The following CACNA2D3 variants were observed in gnomAD, a reference collection of about 807,000 sequenced individuals.
The protein encoded by CACNA2D3 is calcium voltage-gated channel auxiliary subunit alpha2delta 3, also known as voltage-dependent calcium channel subunit alpha-2/delta-3.
Under a neutral mutation model 160.6 loss-of-function variants are expected in CACNA2D3, and 60 were observed. The observed-to-expected ratio is 0.37, with a 90% CI of 0.30 to 0.46. The LOEUF (loss-of-function observed/expected upper bound fraction) is 0.46, where lower values mean the gene tolerates loss of function less well. Ranked by LOEUF, CACNA2D3 falls within the 20% of genes least tolerant of loss-of-function variation. The pLI, the probability that CACNA2D3 is intolerant of heterozygous loss-of-function variation, is 1.00. For synonymous variants in CACNA2D3, 558 were observed against 492.9 expected, an observed-to-expected ratio of 1.13 and a Z score of -1.75; for missense variants, 1,205 against 1,365.0, an observed-to-expected ratio of 0.88 and a Z score of 1.85.
chr3:54,164,653 C>T (rs547340834), intron 2 of CACNA2D3, among the ~76,000 whole-genome samples: 3 of 152,256 alleles, frequency 2.0e-5, no homozygotes, highest in Non-Finnish European at 2.9e-5. Flanking sequence ...TGCTGCATCC[C>T]TTAGAGACCT....
intron 9 of CACNA2D3, among the ~76,000 whole-genome samples, chr3:54,627,208 CAG>C (rs1699140286): frequency 6.6e-6 from 1 of 152,158 alleles, no homozygotes. Flanking sequence ...TAGGTGGGGA[CAG>C]AGTTTAATTA....
chr3:54,510,883 A>C (rs1452857950), intron 5 of CACNA2D3, among the ~76,000 whole-genome samples: 1 of 152,164 alleles, frequency 6.6e-6, no homozygotes, highest in Non-Finnish European at 1.5e-5. Context: ...AGCAAACCAG[A>C]TGGGTTACCG....
At chr3:55,051,814 G>A (rs546148251) in intron 35 of CACNA2D3, among the ~76,000 whole-genome samples, 25 of 152,318 alleles carry the variant, frequency 1.6e-4, no homozygotes, top group African/African-American at 4.6e-4. Flanking sequence ...GTGGTGCGCC[G>A]TTTTTTAAGC....
Position 55,044,717 on chromosome 3 carries a change from AT to A in CACNA2D3, c.2987+26404del, listed in dbSNP as rs2107195969. Among the ~76,000 whole-genome samples, 3 of 152,218 alleles carry A rather than the reference AT, an allele frequency of 2.0e-5. No individual in the cohort carries two copies. The East Asian group carries it at 5.8e-4, about 29-fold the overall frequency. ...AGTTTTAGGGGGGAAAGCTGTTAGAATTTTATCATTAAGTCTAATGTTTACT... is the reference window on the plus strand; with the variant it reads ...AGTTTTAGGGGGGAAAGCTGTTAGAATTTATCATTAAGTCTAATGTTTACT... On this transcript the variant is annotated intron_variant, in intron 35 of 37. Transcript: ENST00000474759.
intron 5 of CACNA2D3, among the ~76,000 whole-genome samples, chr3:54,512,601 G>A (rs1701477235): frequency 6.6e-6 from 1 of 152,174 alleles, no homozygotes. Context: ...CAATGTGGAG[G>A]TAGAGTTGCT....
chr3:54,846,497 T>A, intron 17 of CACNA2D3, 30 bp downstream of exon 17: 2 of 1,415,060 alleles, frequency 1.4e-6, no homozygotes, highest in Non-Finnish European at 2.0e-6. Context: ...TCTGCATTTC[T>A]GCTTTTATGA....
intron 12 of CACNA2D3, among the ~76,000 whole-genome samples, chr3:54,753,930 AT>A (rs1302855441): frequency 6.6e-6 from 1 of 152,234 alleles, no homozygotes; most frequent in African/African-American, 2.4e-5. Flanking sequence ...ACACATTGTT[AT>A]TAACTATAGT....
At chr3:54,449,674 C>T (rs552831866) in intron 4 of CACNA2D3, among the ~76,000 whole-genome samples, 29 of 152,232 alleles carry the variant, frequency 1.9e-4, no homozygotes, top group African/African-American at 6.7e-4. Context: ...TGGTTGTTTA[C>T]AAGTGTGTGG....
intron 11 of CACNA2D3, among the ~76,000 whole-genome samples, chr3:54,673,349 C>T (rs375316784): frequency 1.3e-5 from 2 of 152,220 alleles, no homozygotes; most frequent in Non-Finnish European, 2.9e-5. Flanking sequence ...TTCTTCATTA[C>T]TGGACTTCTC....
At chr3:54,526,218 G>A (rs965744416) in intron 5 of CACNA2D3, among the ~76,000 whole-genome samples, 155 of 151,898 alleles carry the variant, frequency 1.0e-3, no homozygotes, top group African/African-American at 3.4e-3. Flanking sequence ...ATGTGATGTC[G>A]TAATATCCAT....
chr3:54,690,336 T>C (rs1399900518), intron 11 of CACNA2D3, among the ~76,000 whole-genome samples: 1 of 152,192 alleles, frequency 6.6e-6, no homozygotes, highest in Admixed American at 6.5e-5. Flanking sequence ...TTACATACTT[T>C]ATAATTTACT....
intron 35 of CACNA2D3, among the ~76,000 whole-genome samples, chr3:55,037,729 A>T (rs1001106039): frequency 1.3e-5 from 2 of 152,126 alleles, no homozygotes; most frequent in Non-Finnish European, 2.9e-5. Flanking sequence ...CTTTTTATAA[A>T]TTGTCGTCTG....
chr3:54,968,553 A>G lies in CACNA2D3; in HGVS notation c.2511+42A>G, dbSNP rs144311877. 186 of 1,457,924 alleles carry G rather than the reference A, an allele frequency of 1.3e-4. No homozygotes were observed. The African/African-American group carries it at 2.3e-3, about 18-fold the overall frequency. 90.3% of individuals were successfully genotyped at this position (1,457,924 alleles called of 1,614,324 possible). A position where few individuals can be genotyped will look rare whatever the true frequency, so the allele number is the denominator to read the frequency against. On this transcript the variant is annotated intron_variant, in intron 28 of 37. Transcript: ENST00000474759. ...ATCTTGAAGCATTAGCGACACTGTT[A>G]TTATACAGGTGTTCCCATTTGGGTA...
intron 4 of CACNA2D3, among the ~76,000 whole-genome samples, chr3:54,418,154 G>A (rs1018012679): frequency 2.0e-5 from 3 of 152,120 alleles, no homozygotes; most frequent in Non-Finnish European, 2.9e-5. Flanking sequence ...CTTTCAAACC[G>A]TAATGCCTGT....
chr3:54,413,410 A>C (rs562841705), intron 4 of CACNA2D3, among the ~76,000 whole-genome samples: 2 of 146,866 alleles, frequency 1.4e-5, no homozygotes, highest in Non-Finnish European at 3.0e-5. Flanking sequence ...ATATATATCT[A>C]TATATATAGA....
chr3:55,071,084 A>G (rs1231884290), intron 35 of CACNA2D3, among the ~76,000 whole-genome samples: 1 of 152,138 alleles, frequency 6.6e-6, no homozygotes, highest in Non-Finnish European at 1.5e-5. Flanking sequence ...GTGGATTATA[A>G]TACTTTTTGG....
At chr3:54,843,552 C>G (rs975102933) in intron 16 of CACNA2D3, among the ~76,000 whole-genome samples, 1 of 152,110 alleles carries the variant, frequency 6.6e-6, no homozygotes, top group African/African-American at 2.4e-5. Context: ...GGGGCCAGAC[C>G]CCAGGGAGAC....
At chr3:54,964,529 G>A (rs1559448789) in intron 27 of CACNA2D3, among the ~76,000 whole-genome samples, 2 of 152,102 alleles carry the variant, frequency 1.3e-5, no homozygotes, top group Admixed American at 6.6e-5. Flanking sequence ...TGCTTGAAAT[G>A]TTGCTGAAAG....
chr3:54,496,954 C>T (rs1224190497), intron 4 of CACNA2D3, among the ~76,000 whole-genome samples: 3 of 152,006 alleles, frequency 2.0e-5, no homozygotes, highest in Non-Finnish European at 2.9e-5. Flanking sequence ...CTGCACTCTC[C>T]GTTTCATGAT....
Sources: gnomAD v4.1 joint callset for allele counts (sites outside exome capture counted in the v4.1 genomes callset) on GRCh38, gnomAD v4.1.1 for gene constraint, MANE v1.5 for transcripts, NCBI Gene and HGNC (gene_info 2026-07-23, HGNC 2026-07-21) for gene names.